The following ETS2 variants were observed in gnomAD, a reference collection of about 807,000 sequenced individuals.
The protein encoded by ETS2 is protein C-ets-2.
Under a neutral mutation model 54.9 loss-of-function variants are expected in ETS2, and 19 were observed. The observed-to-expected ratio is 0.35, with a 90% CI of 0.24 to 0.51. ETS2 has a LOEUF of 0.51. Among genes scored for constraint, ETS2 ranks in the 20% least tolerant of loss-of-function variants. The pLI is 0.97. For missense variants in ETS2, 417 were observed against 593.0 expected, an observed-to-expected ratio of 0.70 and a Z score of 3.08; for synonymous variants, 219 against 229.3, an observed-to-expected ratio of 0.95 and a Z score of 0.41.
Position 38,806,042 on chromosome 21 carries a change from G to T in ETS2, c.-79G>T. The T allele has an allele frequency of 8.2e-7, 1 of 1,215,828 alleles. No individual in the cohort carries two copies. The highest frequency in any genetic ancestry group is 1.6e-5 in the African/African-American group (1 of 60,704). The allele number at this position is 1,215,828 out of a possible 1,614,324, so 75.3% of individuals were successfully genotyped here. On this transcript the variant is annotated 5_prime_UTR_variant, in exon 1 of 10. Coordinates refer to ENST00000360938, the MANE Select transcript of ETS2 (RefSeq NM_005239.6). The surrounding 1 kb of genome is among the most constrained non-coding windows in gnomAD (Gnocchi z 4.3). The stretch of plus-strand genomic sequence containing the variant: ...GTCTCTGGCCGGCGCCCTCGCCCTC[G>T]CCCGGCGCGCACCGAGCAGCCGCGG...
At chr21:38,817,858 G>A (rs1183989040) in intron 6 of ETS2, among the ~76,000 whole-genome samples, 1 of 152,208 alleles carries the variant, frequency 6.6e-6, no homozygotes, top group Non-Finnish European at 1.5e-5. Flanking sequence ...CCCACTGGGG[G>A]CTTCCTGCTC....
intron 7 of ETS2, among the ~76,000 whole-genome samples, chr21:38,819,170 A>G (rs949654071): frequency 1.3e-5 from 2 of 152,226 alleles, no homozygotes; most frequent in Admixed American, 1.3e-4. Context: ...AGATGGAATC[A>G]TAAGGCATGT....
In ETS2 at chr21:38,814,465, G is replaced by C. The variant is rs1367928327; in HGVS notation, c.304+73G>C. 4 of 1,571,782 alleles carry C rather than the reference G, an allele frequency of 2.5e-6. No homozygotes were observed. The African/African-American group carries it at 5.4e-5, about 21-fold the overall frequency. On this transcript the variant is annotated intron_variant, in intron 4 of 9. Coordinates refer to ENST00000360938, the MANE Select transcript of ETS2 (RefSeq NM_005239.6). The surrounding 1 kb of genome is among the most constrained non-coding windows in gnomAD (Gnocchi z 4.2). ...CAGTGCAGTTGTTTGATCTTGACTT[G>C]TTTATTAAGCTTTTGCTTGGGGTAT... is the stretch of plus-strand genomic sequence containing the variant.
intron 5 of ETS2, 112 bp downstream of exon 5, chr21:38,815,093 CAT>C: frequency 1.0e-6 from 1 of 1,001,020 alleles, no homozygotes. Context: ...CTTGAAATGA[CAT>C]AGAGTACCTT....
intron 1 of ETS2, among the ~76,000 whole-genome samples, chr21:38,808,560 C>A (rs187047224): frequency 6.8e-6 from 1 of 148,114 alleles, no homozygotes; most frequent in South Asian, 2.1e-4. Context: ...GCCTCACCTG[C>A]TGCCTTTTAG....
rs756327386 is a variant in ETS2 at position 38,822,896 on chromosome 21, C to T, written c.*7C>T. ...GCCCGACACGGAGGACTGAGGTCGC[C>T]GGGACCACCCTGAGCCGGCCCCAGG... On this transcript the variant is annotated 3_prime_UTR_variant, in exon 10 of 10. Coordinates refer to ENST00000360938, the MANE Select transcript of ETS2 (RefSeq NM_005239.6). 8 of 1,556,310 alleles carry T rather than the reference C, an allele frequency of 5.1e-6. 1 individual carries two copies. The highest frequency in any genetic ancestry group is 4.8e-5 in the South Asian group (4 of 82,550).
chr21:38,817,656 G>C (rs1057062337), intron 6 of ETS2, among the ~76,000 whole-genome samples: 4 of 152,240 alleles, frequency 2.6e-5, no homozygotes, highest in African/African-American at 9.6e-5. Flanking sequence ...TCTGAACTTG[G>C]GAGCTTAAAG....
At chr21:38,816,327 C>A (rs1460392118) in intron 5 of ETS2, among the ~76,000 whole-genome samples, 1 of 151,856 alleles carries the variant, frequency 6.6e-6, no homozygotes, top group Non-Finnish European at 1.5e-5. Flanking sequence ...TTTTTAAAGA[C>A]CCTCATTTCT....
Position 38,822,880 on chromosome 21 carries a change from G to C in ETS2, c.1401G>C (p.Thr467=). 1 of 1,576,680 alleles carries C rather than the reference G, an allele frequency of 6.3e-7. No individual in the cohort carries two copies. Among genetic ancestry groups the C allele is most frequent in the Non-Finnish European group, 8.6e-7 (1 of 1,158,324 alleles). The change falls in exon 10 of 10, where the codon ACG becomes ACC. Residue 467 remains threonine (T), a synonymous_variant. Transcript: ENST00000360938. ...CCATCCTGGGCGTCCAGCCCGACAC[G>C]GAGGACTGAGGTCGCCGGGACCACC... is the stretch of plus-strand genomic sequence containing the variant. ...LHAILGVQPD[T]ED is the part of the protein sequence containing the mutation.
chr21:38,816,591 C>A (rs1453474372), intron 5 of ETS2, among the ~76,000 whole-genome samples: 1 of 152,188 alleles, frequency 6.6e-6, no homozygotes, highest in Non-Finnish European at 1.5e-5. Context: ...CCTGGGGAAG[C>A]GTGCAGGTTT....
Position 38,821,099 on chromosome 21 carries a change from G to A in ETS2, c.1076-487G>A, listed in dbSNP as rs1040510967. Among the ~76,000 whole-genome samples, 5 of 152,146 alleles carry A rather than the reference G, an allele frequency of 3.3e-5. No individual in the cohort carries two copies. Among genetic ancestry groups the A allele is most frequent in the African/African-American group, 4.8e-5 (2 of 41,424 alleles). ...GGCTCACATTAAGCAATTTACACAT[G>A]GTCATTTGGCAGGAAGGTGGCATGG... On this transcript the variant is annotated intron_variant, in intron 8 of 9. Coordinates refer to ENST00000360938, the MANE Select transcript of ETS2 (RefSeq NM_005239.6). This position sits in a 1 kb window ranked among gnomAD's most constrained non-coding sequence, Gnocchi z 4.2.
Position 38,822,844 on chromosome 21 carries a change from G to T in ETS2, c.1365G>T (p.Glu455Asp). The T allele has an allele frequency of 6.2e-7, 1 of 1,606,368 alleles. No homozygotes were observed. The highest frequency in any genetic ancestry group is 8.5e-7 in the Non-Finnish European group (1 of 1,174,480). ...AGAACTTGCTGGGGTTCACGCCCGA[G>T]GAACTGCACGCCATCCTGGGCGTCC... ...DLQNLLGFTP[E>D]ELHAILGVQP... is the part of the protein sequence containing the mutation. Residue 455 changes from glutamate (E) to aspartate (D), a missense_variant, in exon 10 of 10, where the codon GAG becomes GAT. By Grantham distance (45) the Glu-to-Asp change is conservative. This residue lies in a region of ETS2 where 31 missense variants were observed against 32.8 expected (regional missense o/e 0.95). Coordinates refer to ENST00000360938, the MANE Select transcript of ETS2 (RefSeq NM_005239.6).
In ETS2 at chr21:38,824,462, G is replaced by C. The variant is rs2060971120; in HGVS notation, c.*1573G>C. The C allele has an allele frequency of 1.3e-5, 2 of 152,744 alleles. No homozygotes were observed. Among genetic ancestry groups the C allele is most frequent in the Admixed American group, 1.3e-4 (2 of 15,292 alleles). 9.5% of individuals were successfully genotyped at this position (152,744 alleles called of 1,614,324 possible). A position where few individuals can be genotyped will look rare whatever the true frequency, so the allele number is the denominator to read the frequency against. ...ATGACCCGGTCAAGTTGGTTTCAAA[G>C]TCCGACAGGCTTGTCTGTTTACTAG... is the stretch of plus-strand genomic sequence containing the variant. On this transcript the variant is annotated 3_prime_UTR_variant, in exon 10 of 10. Transcript: ENST00000360938.
intron 3 of ETS2, among the ~76,000 whole-genome samples, chr21:38,813,361 C>T (rs1336680742): frequency 1.3e-5 from 2 of 152,174 alleles, no homozygotes; most frequent in African/African-American, 4.8e-5. Flanking sequence ...GCAGGGGAAC[C>T]CCTGAGCTGC....
At position 38,822,994 on chromosome 21, in the gene ETS2, C is replaced by G; in HGVS notation, c.*105C>G. The G allele has an allele frequency of 1.1e-6, 1 of 952,270 alleles. No individual in the cohort carries two copies. The highest frequency in any genetic ancestry group is 2.0e-5 in the South Asian group (1 of 50,196). 59.0% of individuals were successfully genotyped at this position (952,270 alleles called of 1,614,324 possible). The stretch of plus-strand genomic sequence containing the variant: ...CCAGGAAAGGCAGGATTGAAAATGT[C>G]CAGGAAAGTGGCCAAGAAGCAGTGG... On this transcript the variant is annotated 3_prime_UTR_variant, in exon 10 of 10. Coordinates refer to ENST00000360938, the MANE Select transcript of ETS2 (RefSeq NM_005239.6).
At chr21:38,815,541 G>A (rs983260443) in intron 5 of ETS2, among the ~76,000 whole-genome samples, 3 of 151,992 alleles carry the variant, frequency 2.0e-5, no homozygotes, top group African/African-American at 7.3e-5. Flanking sequence ...ACAGAAACTG[G>A]CCATTGATCA....
chr21:38,807,364 C>A (rs964487482), intron 1 of ETS2, among the ~76,000 whole-genome samples: 1 of 149,724 alleles, frequency 6.7e-6, no homozygotes, highest in Non-Finnish European at 1.5e-5. Context: ...CAGGCAAATT[C>A]TCCTTGTTTT....
chr21:38,808,012 A>G (rs2060899911), intron 1 of ETS2, among the ~76,000 whole-genome samples: 1 of 152,216 alleles, frequency 6.6e-6, no homozygotes, highest in African/African-American at 2.4e-5. Context: ...AGTAGTGAGA[A>G]GGGCCTGATC....
chr21:38,811,945 G>A (rs981198319), intron 2 of ETS2, among the ~76,000 whole-genome samples: 1 of 152,160 alleles, frequency 6.6e-6, no homozygotes. Flanking sequence ...TGAACTCCTG[G>A]GCTCAAGTGA....
Sources: gnomAD v4.1 joint callset for allele counts (sites outside exome capture counted in the v4.1 genomes callset) on GRCh38, gnomAD v4.1.1 for gene constraint, gnomAD v4.1.1 regional missense constraint, Gnocchi (gnomAD v3.1) non-coding constraint, MANE v1.5 for transcripts, NCBI Gene and HGNC (gene_info 2026-07-23, HGNC 2026-07-21) for gene names.